SLIT3: variants seen among roughly 807,000 people sequenced by gnomAD.
SLIT3 encodes slit guidance ligand 3, also known as slit homolog 3 protein.
A neutral mutation model predicts 184.0 loss-of-function variants in SLIT3; 68 were observed. The observed-to-expected ratio is 0.37, with a 90% CI of 0.30 to 0.45. The LOEUF is 0.45. SLIT3 is among the 20% of genes least tolerant of loss of function. SLIT3 has a pLI of 1.00. For synonymous variants in SLIT3, 831 were observed against 828.6 expected, an observed-to-expected ratio of 1.00 and a Z score of -0.05; for missense variants, 1,707 against 2,026.0, an observed-to-expected ratio of 0.84 and a Z score of 3.02.
At chr5:169,046,905 G>A (rs960378100) in intron 4 of SLIT3, among the ~76,000 whole-genome samples, 3 of 152,164 alleles carry the variant, frequency 2.0e-5, no homozygotes, top group Non-Finnish European at 2.9e-5. Flanking sequence ...CTGGGTGCCT[G>A]TATCAGACTG....
intron 12 of SLIT3, among the ~76,000 whole-genome samples, chr5:168,780,022 T>C (rs1238135147): frequency 2.0e-5 from 3 of 152,256 alleles, no homozygotes; most frequent in African/African-American, 4.8e-5. Context: ...ACAGGCCTTT[T>C]TTGCAAAGTT....
At chr5:169,273,317 C>CTTT (rs1766692826) in intron 1 of SLIT3, among the ~76,000 whole-genome samples, 1 of 152,192 alleles carries the variant, frequency 6.6e-6, no homozygotes, top group African/African-American at 2.4e-5. Flanking sequence ...GCTTCCAGGC[C>CTTT]TTTGTATCCT....
rs534569917 is a variant in SLIT3, at chr5:168,703,069, G to A, written c.2845-2390C>T. 3.3e-5 allele frequency among the ~76,000 whole-genome samples: 5 copies of A among 152,280 alleles called. No individual in the cohort carries two copies. In the South Asian group the frequency reaches 1.0e-3, roughly 32 times the overall value. The stretch of plus-strand genomic sequence containing the variant: ...ACATGGTAATTGGGCCTGGAAGTGG[G>A]GATTTCTGTCACTTACCTCTCCTTG... On this transcript the variant is annotated intron_variant, in intron 26 of 35. Coordinates refer to ENST00000519560, the MANE Select transcript of SLIT3 (RefSeq NM_003062.4).
At chr5:169,179,283 T>C (rs1187028326) in intron 4 of SLIT3, among the ~76,000 whole-genome samples, 1 of 149,860 alleles carries the variant, frequency 6.7e-6, no homozygotes, top group Non-Finnish European at 1.5e-5. Context: ...TTTCTTTTTT[T>C]TTTTTTTTTT....
At chr5:169,112,884 G>A (rs763160677) in intron 4 of SLIT3, among the ~76,000 whole-genome samples, 2 of 152,060 alleles carry the variant, frequency 1.3e-5, no homozygotes, top group African/African-American at 2.4e-5. Flanking sequence ...TACTGCTCTC[G>A]ACTTGTCCCA....
At chr5:169,185,718 A>G (rs1763309928) in intron 4 of SLIT3, among the ~76,000 whole-genome samples, 1 of 152,226 alleles carries the variant, frequency 6.6e-6, no homozygotes, top group Non-Finnish European at 1.5e-5. Flanking sequence ...CTAGAGGTAC[A>G]GGGCTCCAGT....
At chr5:168,757,087 G>A (rs1281007070) in intron 16 of SLIT3, among the ~76,000 whole-genome samples, 1 of 152,148 alleles carries the variant, frequency 6.6e-6, no homozygotes, top group African/African-American at 2.4e-5. Flanking sequence ...GTGCAGCCTG[G>A]GGCAAACACT....
At chr5:168,928,852 G>A (rs62377196) in intron 4 of SLIT3, among the ~76,000 whole-genome samples, 5,832 of 152,256 alleles carry the variant, frequency 0.038, 156 homozygotes, top group Middle Eastern at 0.065. Context: ...TTTATGGATA[G>A]AGAAAGTAAC....
chr5:168,938,676 G>A (rs919197010), intron 4 of SLIT3, among the ~76,000 whole-genome samples: 1 of 152,064 alleles, frequency 6.6e-6, no homozygotes, highest in African/African-American at 2.4e-5. Flanking sequence ...TGTCACCCAG[G>A]CTGGAGTGCA....
At chr5:168,957,734 C>A (rs1459652370) in intron 4 of SLIT3, among the ~76,000 whole-genome samples, 1 of 151,662 alleles carries the variant, frequency 6.6e-6, no homozygotes, top group Non-Finnish European at 1.5e-5. Flanking sequence ...TTAACAAGCT[C>A]CTCCGGTGAT....
chr5:168,784,096 G>GCACACA (rs144638355), intron 12 of SLIT3, among the ~76,000 whole-genome samples: 1 of 150,766 alleles, frequency 6.6e-6, no homozygotes, highest in Non-Finnish European at 1.5e-5. Context: ...TTTCCTTCCT[G>GCACACA]CACACACACA....
chr5:168,847,113 C>T (rs1159783916), intron 5 of SLIT3, among the ~76,000 whole-genome samples: 1 of 152,138 alleles, frequency 6.6e-6, no homozygotes, highest in Non-Finnish European at 1.5e-5. Flanking sequence ...TAATATGTTA[C>T]TAATTACGTG....
intron 4 of SLIT3, among the ~76,000 whole-genome samples, chr5:168,922,456 CAAAAAA>C (rs34132541): frequency 1.2e-5 from 1 of 82,230 alleles, no homozygotes; most frequent in African/African-American, 5.1e-5. Flanking sequence ...GACTCTGTCT[CAAAAAA>C]AAAAAAAAAA....
chr5:169,250,887 T>C (rs6869982), intron 2 of SLIT3, among the ~76,000 whole-genome samples: 12,648 of 152,220 alleles, frequency 0.083, 1,074 homozygotes, highest in African/African-American at 0.19. Flanking sequence ...TCCTTGCTCC[T>C]CTAGTCCATC....
At chr5:169,035,479 C>G (rs1281458168) in intron 4 of SLIT3, among the ~76,000 whole-genome samples, 4 of 151,854 alleles carry the variant, frequency 2.6e-5, no homozygotes, top group Non-Finnish European at 5.9e-5. Context: ...GAAACCACGT[C>G]TCTACTAAAA....
At chr5:168,765,466 G>A (rs184086312) in intron 14 of SLIT3, among the ~76,000 whole-genome samples, 2 of 152,176 alleles carry the variant, frequency 1.3e-5, no homozygotes, top group East Asian at 3.9e-4. Flanking sequence ...TGTTAATAAC[G>A]GCGTATGTAC....
intron 6 of SLIT3, among the ~76,000 whole-genome samples, chr5:168,826,275 A>G (rs1385188150): frequency 2.6e-5 from 4 of 152,176 alleles, no homozygotes; most frequent in African/African-American, 9.7e-5. Flanking sequence ...TCAGACTTTC[A>G]TGATTTGCTG....
chr5:168,755,220 G>A (rs1754849566), intron 16 of SLIT3, among the ~76,000 whole-genome samples: 1 of 151,994 alleles, frequency 6.6e-6, no homozygotes, highest in South Asian at 2.1e-4. Context: ...GACAGAACTG[G>A]GATTTGAAGC....
chr5:168,748,235 G>A, intron 20 of SLIT3, 67 bp downstream of exon 20: 2 of 1,410,052 alleles, frequency 1.4e-6, no homozygotes, highest in African/African-American at 1.5e-5. Context: ...AGATTCTGGG[G>A]TAAAGTATGG....
Sources: allele counts gnomAD v4.1 joint callset (sites outside exome capture counted in the v4.1 genomes callset), GRCh38; gene constraint gnomAD v4.1.1; transcripts MANE v1.5; gene names NCBI Gene and HGNC (gene_info 2026-07-23, HGNC 2026-07-21).